The following ZNF43 variants were observed in gnomAD, a reference collection of about 807,000 sequenced individuals.
ZNF43 encodes zinc finger protein 43, also known as zinc finger protein 39-like 1 (KOX 27).
A neutral mutation model predicts 68.4 loss-of-function variants in ZNF43; 44 were observed. The observed-to-expected ratio is 0.64, with a 90% CI of 0.51 to 0.83. The LOEUF (loss-of-function observed/expected upper bound fraction) is 0.83, where lower values mean the gene tolerates loss of function less well. ZNF43 is among the 40% of genes least tolerant of loss of function. The pLI is 0.00. For missense variants in ZNF43, 896 were observed against 933.2 expected, an observed-to-expected ratio of 0.96 and a Z score of 0.52; for synonymous variants, 308 against 307.8, an observed-to-expected ratio of 1.00 and a Z score of -0.01.
Position 21,808,255 on chromosome 19 carries a change from G to A in ZNF43, c.1782C>T (p.Tyr594=). 6.2e-7 allele frequency: 1 copy of A among 1,613,522 alleles called. No homozygotes were observed. The highest frequency in any genetic ancestry group is 8.5e-7 in the Non-Finnish European group (1 of 1,179,836). ...AAGCTTTGCCACATTCTTCACATTTGTAGAATTTCTCTCCAGTATGAATTT... is the reference window on the plus strand; with the variant it reads ...AAGCTTTGCCACATTCTTCACATTTATAGAATTTCTCTCCAGTATGAATTT... ...HKKIHTGEKF[Y]KCEECGKAFT... Residue 594 remains tyrosine (Y), a synonymous_variant, in exon 4 of 4, where the codon TAC becomes TAT. Transcript: ENST00000354959.
At chr19:21,826,143 C>T (rs188906876) in intron 1 of ZNF43, among the ~76,000 whole-genome samples, 1 of 151,412 alleles carries the variant, frequency 6.6e-6, no homozygotes, top group East Asian at 1.9e-4. Context: ...GAAGCGACTA[C>T]AGTTAATTAC....
chr19:21,851,959 T>G (rs2457787), exon 1 of ZNF43: 34,909 of 1,555,040 alleles, frequency 0.022, 1,012 homozygotes, highest in African/African-American at 0.14. Context: ...TCCCAGGACT[T>G]GCAGATCACA....
chr19:21,836,122 T>A lies in ZNF43; in HGVS notation c.-84A>T. ...CACAGAGCCACAGAGGCTGGACCTC[T>A]AGCAGCAGAGGACACAGAAGAACGA... On this transcript the variant is annotated 5_prime_UTR_variant, in exon 1 of 4. Transcript: ENST00000354959. 1 of 1,607,508 alleles carries A rather than the reference T, an allele frequency of 6.2e-7. No individual in the cohort carries two copies. The highest frequency in any genetic ancestry group is 1.1e-5 in the South Asian group (1 of 90,596).
rs1313267851 is a variant in ZNF43 at position 21,806,861 on chromosome 19, A to G, written c.*746T>C. On this transcript the variant is annotated 3_prime_UTR_variant, in exon 4 of 4. Coordinates refer to ENST00000354959, the MANE Select transcript of ZNF43 (RefSeq NM_003423.4). ...TGTGAATTCTCAGATATTTACATAA[A>G]CTTAATTTCGGATTAAATTTTTTTC... The G allele has an allele frequency of 6.6e-6, 1 of 152,212 alleles. No individual in the cohort carries two copies. The highest frequency in any genetic ancestry group is 1.5e-5 in the Non-Finnish European group (1 of 68,044). 9.4% of individuals were successfully genotyped at this position (152,212 alleles called of 1,614,324 possible). A position where few individuals can be genotyped will look rare whatever the true frequency, so the allele number is the denominator to read the frequency against.
At chr19:21,825,770 T>C (rs114842582) in intron 1 of ZNF43, among the ~76,000 whole-genome samples, 3,281 of 152,072 alleles carry the variant, frequency 0.022, 103 homozygotes, top group African/African-American at 0.075. Context: ...AAAGGTAAAA[T>C]AGCCTGGGTC....
intron 1 of ZNF43, among the ~76,000 whole-genome samples, chr19:21,846,067 C>T (rs1158848220): frequency 2.6e-5 from 4 of 151,806 alleles, no homozygotes; most frequent in Non-Finnish European, 4.4e-5. Context: ...ATAAGGAGAG[C>T]CCAGGCAGAA....
At chr19:21,815,115 A>G (rs971987277) in intron 3 of ZNF43, among the ~76,000 whole-genome samples, 6 of 151,360 alleles carry the variant, frequency 4.0e-5, no homozygotes, top group Non-Finnish European at 5.9e-5. Context: ...TGGAACCTGG[A>G]GGGGCGGAGG....
At chr19:21,843,382 G>C (rs1004625869) in intron 1 of ZNF43, 97 of 985,222 alleles carry the variant, frequency 9.8e-5, no homozygotes, top group Non-Finnish European at 1.1e-4. Flanking sequence ...TTCATTCTAG[G>C]TATGAGTCAA....
At position 21,807,717 on chromosome 19, in the gene ZNF43, A is replaced by G. The variant is rs775331290; in HGVS notation, c.2320T>C (p.Tyr774His). ...CKECGKAFNQ[Y>H]SNLTTHNKIH... ...TTGTTATGTGTAGTAAGGTTTGAAT[A>G]TTGGTTGAAAGCTTTGCCACATTCT... Residue 774 changes from tyrosine (Y) to histidine (H), a missense_variant, in exon 4 of 4, where the codon TAT becomes CAT. By Grantham distance (83) the Tyr-to-His change is moderately conservative. Transcript: ENST00000354959. 1.2e-6 allele frequency: 2 copies of G among 1,613,632 alleles called. No individual in the cohort carries two copies. The highest frequency in any genetic ancestry group is 2.2e-5 in the South Asian group (2 of 91,050).
chr19:21,835,855 AGAG>A (rs1481931053), intron 1 of ZNF43, among the ~76,000 whole-genome samples, 178 bp downstream of exon 1: 4 of 152,186 alleles, frequency 2.6e-5, no homozygotes, highest in Non-Finnish European at 2.9e-5. Flanking sequence ...GTCACTGCGC[AGAG>A]AAGAGACAGG....
Position 21,836,175 on chromosome 19 carries a change from CCA to C in ZNF43, c.-139_-138del, listed in dbSNP as rs2038724322. ...ACGAGACGCAGAGCTCCAACTGCAG[CCA>C]GAGACAAAGGCCCCGCCACATCCCG... On this transcript the variant is annotated 5_prime_UTR_variant, in exon 1 of 4. Transcript: ENST00000354959. 1.3e-6 allele frequency: 2 copies of C among 1,540,180 alleles called. No individual in the cohort carries two copies. Among genetic ancestry groups the C allele is most frequent in the Admixed American group, 3.9e-5 (2 of 50,862 alleles).
At chr19:21,838,485 C>T (rs1009295027), upstream of ZNF43, among the ~76,000 whole-genome samples, 4 of 151,568 alleles carry the variant, frequency 2.6e-5, no homozygotes, top group Non-Finnish European at 4.4e-5. Context: ...CTGCAACCTC[C>T]GCCTCCTGGG....
Position 21,836,071 on chromosome 19 carries a change from C to G in ZNF43, c.-33G>C, listed in dbSNP as rs200943484. Reference sequence around the variant, plus strand: ...CTTCCGGGGGGTCCTGGCGTCTTAGCTGTGGATCCCCCAATACCCGCAGGT... The same window carrying G: ...CTTCCGGGGGGTCCTGGCGTCTTAGGTGTGGATCCCCCAATACCCGCAGGT... On this transcript the variant is annotated 5_prime_UTR_variant, in exon 1 of 4. Coordinates refer to ENST00000354959, the MANE Select transcript of ZNF43 (RefSeq NM_003423.4). 2.6e-5 allele frequency: 42 copies of G among 1,613,570 alleles called. No individual in the cohort carries two copies. Among genetic ancestry groups the G allele is most frequent in the Non-Finnish European group, 3.2e-5 (38 of 1,179,710 alleles).
upstream of ZNF43, among the ~76,000 whole-genome samples, chr19:21,838,434 C>T (rs1050692115): frequency 4.9e-4 from 73 of 148,894 alleles, no homozygotes; most frequent in African/African-American, 1.7e-3. Context: ...CAGTCTCGCT[C>T]TATTACCCAG....
intron 1 of ZNF43, among the ~76,000 whole-genome samples, chr19:21,831,586 C>T (rs888013237): frequency 6.6e-6 from 1 of 152,110 alleles, no homozygotes; most frequent in African/African-American, 2.4e-5. Context: ...ACCTCGAACT[C>T]CTGACCTTGT....
intron 1 of ZNF43, among the ~76,000 whole-genome samples, chr19:21,844,915 A>AG (rs1439851579): frequency 1.0e-5 from 1 of 97,210 alleles, no homozygotes; most frequent in East Asian, 2.3e-4. Context: ...AAAAAAAAAA[A>AG]AAAAAAATAT....
intron 1 of ZNF43, among the ~76,000 whole-genome samples, chr19:21,835,297 A>G (rs1440142966): frequency 6.6e-6 from 1 of 150,586 alleles, no homozygotes; most frequent in Non-Finnish European, 1.5e-5. Flanking sequence ...TGATAACGTG[A>G]ATTGCGGAGA....
intron 1 of ZNF43, among the ~76,000 whole-genome samples, chr19:21,831,278 A>C (rs556249703): frequency 1.3e-5 from 2 of 152,330 alleles, no homozygotes; most frequent in Non-Finnish European, 2.9e-5. Flanking sequence ...AAGAGAAAGA[A>C]AGTCAGACTA....
At chr19:21,835,943 C>G (rs2038702249) in intron 1 of ZNF43, 93 bp downstream of exon 1, 2 of 1,601,668 alleles carry the variant, frequency 1.2e-6, no homozygotes, top group Middle Eastern at 1.7e-4. Flanking sequence ...GGCAAGAACT[C>G]CGGCACGCGC....
Sources: gnomAD v4.1 joint callset for allele counts (sites outside exome capture counted in the v4.1 genomes callset) on GRCh38, gnomAD v4.1.1 for gene constraint, MANE v1.5 for transcripts, NCBI Gene and HGNC (gene_info 2026-07-23, HGNC 2026-07-21) for gene names.